NLGN1: variants seen among roughly 807,000 people sequenced by gnomAD.
NLGN1 encodes neuroligin-1.
A neutral mutation model predicts 65.5 loss-of-function variants in NLGN1; 12 were observed. The observed-to-expected ratio is 0.18, with a 90% CI of 0.12 to 0.30. NLGN1 has a LOEUF of 0.30. NLGN1 is among the 10% of genes least tolerant of loss of function. NLGN1 has a pLI of 1.00. For missense variants in NLGN1, 750 were observed against 1,007.1 expected, an observed-to-expected ratio of 0.74 and a Z score of 3.46; for synonymous variants, 350 against 359.5, an observed-to-expected ratio of 0.97 and a Z score of 0.30.
At chr3:173,957,796 G>A (rs1376719136) in intron 4 of NLGN1, among the ~76,000 whole-genome samples, 1 of 152,174 alleles carries the variant, frequency 6.6e-6, no homozygotes, top group Non-Finnish European at 1.5e-5. Flanking sequence ...AGCCAGTGAC[G>A]CCTTTGCCTC....
At chr3:173,740,248 A>G (rs1393311690) in intron 3 of NLGN1, among the ~76,000 whole-genome samples, 1 of 152,120 alleles carries the variant, frequency 6.6e-6, no homozygotes, top group Non-Finnish European at 1.5e-5. Flanking sequence ...ACTGGTATAT[A>G]TGGAACGAGA....
intron 4 of NLGN1, among the ~76,000 whole-genome samples, chr3:173,965,781 G>A (rs541176072): frequency 1.3e-5 from 2 of 152,078 alleles, no homozygotes; most frequent in African/African-American, 4.8e-5. Flanking sequence ...TGAAATAAAG[G>A]TGCATTTGCC....
intron 4 of NLGN1, among the ~76,000 whole-genome samples, chr3:174,242,866 G>C (rs756797667): frequency 6.6e-6 from 1 of 151,850 alleles, no homozygotes; most frequent in Non-Finnish European, 1.5e-5. Context: ...AAATGTTGGC[G>C]ACCAGTGCCA....
At chr3:174,045,378 C>A (rs1292017123) in intron 4 of NLGN1, among the ~76,000 whole-genome samples, 1 of 151,950 alleles carries the variant, frequency 6.6e-6, no homozygotes, top group Non-Finnish European at 1.5e-5. Flanking sequence ...GGGGAAAAGC[C>A]CCTCATAAAA....
intron 1 of NLGN1, among the ~76,000 whole-genome samples, chr3:173,405,830 T>C (rs1718537042): frequency 6.6e-6 from 1 of 152,052 alleles, no homozygotes; most frequent in Admixed American, 6.5e-5. Flanking sequence ...TAGGCTTTGG[T>C]TTTCGTTTTT....
chr3:173,401,425 G>A (rs1223437429), intron 1 of NLGN1, among the ~76,000 whole-genome samples: 1 of 151,784 alleles, frequency 6.6e-6, no homozygotes, highest in Non-Finnish European at 1.5e-5. Context: ...GTGGTGGCGA[G>A]GATCTTTTTG....
At chr3:173,485,893 A>C (rs1728091064) in intron 2 of NLGN1, among the ~76,000 whole-genome samples, 1 of 152,070 alleles carries the variant, frequency 6.6e-6, no homozygotes, top group Admixed American at 6.6e-5. Context: ...AATTTGGCTA[A>C]ATAGTCCAGG....
In NLGN1 at chr3:173,773,755, A is replaced by G. The variant is rs1340865223; in HGVS notation, c.494-33925A>G. ...AGGTTCATAAATTTAAAAATCACAC[A>G]TATAACTGTATATATAAATAAAAAT... On this transcript the variant is annotated intron_variant, in intron 3 of 6. Coordinates refer to ENST00000457714, the Ensembl canonical transcript of NLGN1. 2.0e-5 allele frequency among the ~76,000 whole-genome samples: 3 copies of G among 152,312 alleles called. No individual in the cohort carries two copies. In the East Asian group the frequency reaches 5.8e-4, roughly 29 times the overall value.
intron 4 of NLGN1, among the ~76,000 whole-genome samples, chr3:173,950,804 G>T (rs1478828221): frequency 1.4e-5 from 2 of 143,216 alleles, no homozygotes; most frequent in Admixed American, 7.0e-5. Flanking sequence ...GTAAGACTTC[G>T]TCTCAAAAAA....
chr3:174,063,570 A>G (rs1203065658), intron 4 of NLGN1, among the ~76,000 whole-genome samples: 1 of 152,126 alleles, frequency 6.6e-6, no homozygotes, highest in African/African-American at 2.4e-5. Context: ...CATTTGCACA[A>G]AGGATGAGAA....
intron 4 of NLGN1, among the ~76,000 whole-genome samples, chr3:174,249,938 A>G (rs1219115158): frequency 1.3e-5 from 2 of 152,208 alleles, no homozygotes; most frequent in Non-Finnish European, 2.9e-5. Context: ...TTATCAAGGA[A>G]TAGAAGGTTG....
chr3:173,902,559 CT>C (rs1315709510), intron 4 of NLGN1, among the ~76,000 whole-genome samples: 5 of 152,024 alleles, frequency 3.3e-5, no homozygotes, highest in African/African-American at 1.2e-4. Flanking sequence ...TACACATGAC[CT>C]TTGAGTAACC....
chr3:173,443,416 C>A (rs2148806844), intron 2 of NLGN1, among the ~76,000 whole-genome samples: 1 of 150,714 alleles, frequency 6.6e-6, no homozygotes. Flanking sequence ...ACTGTACTCC[C>A]AATACCATTT....
chr3:173,984,361 T>C (rs1490569950), intron 4 of NLGN1, among the ~76,000 whole-genome samples: 1 of 152,192 alleles, frequency 6.6e-6, no homozygotes, highest in African/African-American at 2.4e-5. Flanking sequence ...AGAATGAGAC[T>C]AGATTAATAT....
chr3:174,052,603 G>A (rs759320316), intron 4 of NLGN1, among the ~76,000 whole-genome samples: 10 of 151,810 alleles, frequency 6.6e-5, no homozygotes, highest in Non-Finnish European at 1.5e-4. Context: ...AAATCAGCTG[G>A]AACCAATCAG....
chr3:174,213,919 A>G (rs1314533517), intron 4 of NLGN1, among the ~76,000 whole-genome samples: 1 of 152,176 alleles, frequency 6.6e-6, no homozygotes, highest in Non-Finnish European at 1.5e-5. Context: ...ATGCTATTTT[A>G]CCATATTTAA....
intron 4 of NLGN1, among the ~76,000 whole-genome samples, chr3:174,185,515 T>C (rs917152213): frequency 6.6e-6 from 1 of 152,164 alleles, no homozygotes; most frequent in African/African-American, 2.4e-5. Flanking sequence ...CATATGGTTT[T>C]ATACTATGAA....
chr3:174,189,982 G>A (rs1445913812), intron 4 of NLGN1, among the ~76,000 whole-genome samples: 1 of 152,028 alleles, frequency 6.6e-6, no homozygotes, highest in African/African-American at 2.4e-5. Flanking sequence ...TAGGCTGGGA[G>A]GGAAGCCAAT....
intron 4 of NLGN1, among the ~76,000 whole-genome samples, chr3:173,929,861 C>T (rs370386900): frequency 8.3e-4 from 126 of 152,114 alleles, no homozygotes; most frequent in Middle Eastern, 3.4e-3. Flanking sequence ...TGTGCCACCA[C>T]GCCCAGCTAA....
Sources: gnomAD v4.1 joint callset for allele counts (sites outside exome capture counted in the v4.1 genomes callset) on GRCh38, gnomAD v4.1.1 for gene constraint, MANE v1.5 for transcripts, NCBI Gene and HGNC (gene_info 2026-07-23, HGNC 2026-07-21) for gene names.